IL36G: variants seen among roughly 807,000 people sequenced by gnomAD.
IL36G encodes interleukin-36 gamma.
In IL36G, 10 loss-of-function variants were observed where a neutral mutation model predicts 13.5. The observed-to-expected ratio is 0.74, with a 90% confidence interval of 0.46 to 1.26. IL36G has a LOEUF of 1.26. IL36G is among the 50% of genes most tolerant of loss of function. IL36G has a pLI of 0.00. For synonymous variants in IL36G, 84 were observed against 74.0 expected, an observed-to-expected ratio of 1.13 and a Z score of -0.69; for missense variants, 199 against 203.0, an observed-to-expected ratio of 0.98 and a Z score of 0.12.
chr2:112,979,851 G>GAATGAATA (rs1281795947), intron 3 of IL36G, among the ~76,000 whole-genome samples, 158 bp from the exon 4 acceptor site: 5 of 152,076 alleles, frequency 3.3e-5, no homozygotes, highest in Non-Finnish European at 5.9e-5. Flanking sequence ...ATGAATGAAT[G>GAATGAATA]AATGAATGAA....
chr2:112,985,104 G>T lies in IL36G; in HGVS notation c.*55G>T. The stretch of plus-strand genomic sequence containing the variant: ...TGTCTTAAAGTTTCTGGTTCCCAAT[G>T]TGTTTTCGTCTACATTTTCTTAGTG... On this transcript the variant is annotated 3_prime_UTR_variant, in exon 5 of 5. Coordinates refer to ENST00000259205, the MANE Select transcript of IL36G (RefSeq NM_019618.4). The T allele has an allele frequency of 7.6e-7, 1 of 1,316,104 alleles. No individual in the cohort carries two copies. The highest frequency in any genetic ancestry group is 1.1e-6 in the Non-Finnish European group (1 of 929,628). The allele number at this position is 1,316,104 out of a possible 1,614,324, so 81.5% of individuals were successfully genotyped here. A position where few individuals can be genotyped will look rare whatever the true frequency, so the allele number is the denominator to read the frequency against.
At chr2:112,983,450 G>A (rs951103351) in intron 4 of IL36G, among the ~76,000 whole-genome samples, 2 of 152,138 alleles carry the variant, frequency 1.3e-5, no homozygotes, top group Non-Finnish European at 2.9e-5. Context: ...ATGAGTAGGA[G>A]GGAGGATTCC....
Position 112,985,156 on chromosome 2 carries a change from G to C in IL36G, c.*107G>C. 5.4e-6 allele frequency: 4 copies of C among 735,194 alleles called. No homozygotes were observed. Among genetic ancestry groups the C allele is most frequent in the Non-Finnish European group, 9.0e-6 (4 of 446,902 alleles). 45.5% of individuals were successfully genotyped at this position (735,194 alleles called of 1,614,324 possible). A position where few individuals can be genotyped will look rare whatever the true frequency, so the allele number is the denominator to read the frequency against. On this transcript the variant is annotated 3_prime_UTR_variant, in exon 5 of 5. Transcript: ENST00000259205. Reference sequence around the variant, plus strand: ...CATTTTCACGCTGGTGCTGAGACAGGGGCAAGGCTGCTGTTATCATCTCAT... The same window carrying C: ...CATTTTCACGCTGGTGCTGAGACAGCGGCAAGGCTGCTGTTATCATCTCAT...
At chr2:112,979,100 T>G in intron 2 of IL36G, 121 bp from the exon 3 acceptor site, 1 of 655,500 alleles carries the variant, frequency 1.5e-6, no homozygotes. Flanking sequence ...GCTGTCAGTT[T>G]GGGGATGCAA....
intron 2 of IL36G, 36 bp downstream of exon 2, chr2:112,978,729 C>T: frequency 6.3e-7 from 1 of 1,595,904 alleles, no homozygotes. Flanking sequence ...GCTCTGGAGG[C>T]TTAGGCCCTC....
chr2:112,979,904 C>T, intron 3 of IL36G, 105 bp from the exon 4 acceptor site: 1 of 1,121,806 alleles, frequency 8.9e-7, no homozygotes, highest in Non-Finnish European at 1.3e-6. Context: ...GGATTACACT[C>T]TTCAGCTCTC....
intron 3 of IL36G, 27 bp downstream of exon 3, chr2:112,979,352 A>G (rs758601478): frequency 6.0e-5 from 77 of 1,280,012 alleles, no homozygotes; most frequent in Non-Finnish European, 8.3e-5. Context: ...TGCCTTCCCC[A>G]CTGTTTGCAC....
intron 4 of IL36G, 49 bp from the exon 5 acceptor site, chr2:112,984,791 C>T: frequency 6.9e-7 from 1 of 1,451,634 alleles, no homozygotes; most frequent in African/African-American, 1.4e-5. Context: ...CCTTGAATAT[C>T]TCAAACAGCT....
chr2:112,981,715 A>T (rs1684264697), intron 4 of IL36G, among the ~76,000 whole-genome samples: 1 of 152,132 alleles, frequency 6.6e-6, no homozygotes, highest in African/African-American at 2.4e-5. Flanking sequence ...GCTTTTTAAA[A>T]TTTTGGTGTT....
At chr2:112,978,101 C>T (rs1487092000) in intron 1 of IL36G, 23 bp downstream of exon 1, 1 of 159,010 alleles carries the variant, frequency 6.3e-6, no homozygotes, top group Non-Finnish European at 1.4e-5. Flanking sequence ...GCTGGAAAAC[C>T]TCTTCTCCCT....
rs183889159 is a variant in IL36G, at chr2:112,980,858, G to A, written c.300+710G>A. Among the ~76,000 whole-genome samples the A allele has an allele frequency of 4.3e-4, 65 of 152,304 alleles. No individual in the cohort carries two copies. In the East Asian group the frequency reaches 0.01, roughly 24 times the overall value. On this transcript the variant is annotated intron_variant, in intron 4 of 4. Transcript: ENST00000259205. The stretch of plus-strand genomic sequence containing the variant: ...AATGAATTTATTTTCCATACCACAA[G>A]GCTTTTCTGCCAAGGTGGCCATGTG...
chr2:112,984,879 G>T lies in IL36G; in HGVS notation c.340G>T (p.Val114Leu), dbSNP rs149685371. The stretch of plus-strand genomic sequence containing the variant: ...GGATCTGTATGGCCAACCCGAGCCC[G>T]TGAAACCCTTCCTTTTCTACCGTGC... ...IMDLYGQPEPVKPFLFYRAKT... is the reference protein window; with the variant it reads ...IMDLYGQPEPLKPFLFYRAKT... The change falls in exon 5 of 5, where the codon GTG becomes TTG. Residue 114 changes from valine (V) to leucine (L), a missense_variant. Coordinates refer to ENST00000259205, the MANE Select transcript of IL36G (RefSeq NM_019618.4). The T allele has an allele frequency of 6.2e-7, 1 of 1,614,130 alleles. No homozygotes were observed. Among genetic ancestry groups the T allele is most frequent in the Non-Finnish European group, 8.5e-7 (1 of 1,180,000 alleles).
rs997344480 is a variant in IL36G at position 112,978,576 on chromosome 2, GAA to G, written c.-19-42_-19-41del. 7.2e-6 allele frequency: 11 copies of G among 1,518,010 alleles called. No homozygotes were observed. The Admixed American group carries it at 1.7e-4, about 23-fold the overall frequency. The allele number at this position is 1,518,010 out of a possible 1,614,324, so 94.0% of individuals were successfully genotyped here. On this transcript the variant is annotated intron_variant, in intron 1 of 4. Transcript: ENST00000259205. ...GGAGCTAGTGTCCTGGAAGGTCTTGGAAACATCTCTTGTGGTTCATCTGTTCT... is the reference window on the plus strand; with the variant it reads ...GGAGCTAGTGTCCTGGAAGGTCTTGGACATCTCTTGTGGTTCATCTGTTCT...
intron 2 of IL36G, 65 bp downstream of exon 2, chr2:112,978,758 T>G: frequency 1.3e-6 from 2 of 1,486,616 alleles, no homozygotes; most frequent in South Asian, 1.1e-5. Context: ...CGCTATCTCC[T>G]GTGGAAGCCC....
At chr2:112,981,048 A>G in intron 4 of IL36G, 1 of 657,604 alleles carries the variant, frequency 1.5e-6, no homozygotes, top group Non-Finnish European at 2.7e-6. Flanking sequence ...TGCTAACAAC[A>G]TAGCTTAAAA....
intron 4 of IL36G, chr2:112,981,347 G>T: frequency 1.3e-6 from 1 of 784,522 alleles, no homozygotes; most frequent in Non-Finnish European, 2.3e-6. Flanking sequence ...AGCAGGTTTA[G>T]CAGACAACTT....
chr2:112,984,674 A>C (rs542797170), intron 4 of IL36G, among the ~76,000 whole-genome samples, 166 bp from the exon 5 acceptor site: 35 of 152,192 alleles, frequency 2.3e-4, no homozygotes, highest in African/African-American at 8.2e-4. Flanking sequence ...AATTTCATGT[A>C]TGTTTACTCT....
chr2:112,978,785 T>G, intron 2 of IL36G, 92 bp downstream of exon 2: 1 of 1,262,872 alleles, frequency 7.9e-7, no homozygotes. Flanking sequence ...TCTCTGCTCC[T>G]CTCTGTACAC....
Position 112,984,884 on chromosome 2 carries a change from ACCCTT to A in IL36G, c.348_352del (p.Phe119ProfsTer6). 1 of 1,613,892 alleles carries A rather than the reference ACCCTT, an allele frequency of 6.2e-7. No homozygotes were observed. Among genetic ancestry groups the A allele is most frequent in the Non-Finnish European group, 8.5e-7 (1 of 1,179,968 alleles). On this transcript the variant is annotated frameshift_variant, in exon 5 of 5. Transcript: ENST00000259205. LOFTEE classifies it low-confidence loss of function (END_TRUNC). ...TGTATGGCCAACCCGAGCCCGTGAA[ACCCTT>A]CCTTTTCTACCGTGCCAAGACTGGT...
Sources: gnomAD v4.1 joint callset for allele counts (sites outside exome capture counted in the v4.1 genomes callset) on GRCh38, gnomAD v4.1.1 for gene constraint, MANE v1.5 for transcripts, NCBI Gene and HGNC (gene_info 2026-07-23, HGNC 2026-07-21) for gene names.